FGGY: variants seen among roughly 807,000 people sequenced by gnomAD.
FGGY encodes the protein FGGY carbohydrate kinase domain containing.
In FGGY, 72 loss-of-function variants were observed where a neutral mutation model predicts 71.3. The observed-to-expected ratio is 1.01, with a 90% CI of 0.84 to 1.23. The LOEUF (loss-of-function observed/expected upper bound fraction) is 1.23. FGGY is among the 50% of genes most tolerant of loss of function. FGGY has a pLI of 0.00. For missense variants in FGGY, 668 were observed against 682.3 expected (o/e 0.98, Z 0.23); for synonymous variants, 251 against 250.3 (o/e 1.00, Z -0.02).
intron 8 of FGGY, among the ~76,000 whole-genome samples, chr1:59,570,482 G>T (rs1461012935): frequency 2.0e-5 from 3 of 152,154 alleles, no homozygotes; most frequent in Non-Finnish European, 4.4e-5. Context: ...ATATCTCTTG[G>T]TAGGTCTGGG....
chr1:59,363,603 C>A (rs1252657510), intron 4 of FGGY, among the ~76,000 whole-genome samples: 3 of 152,140 alleles, frequency 2.0e-5, no homozygotes, highest in Non-Finnish European at 4.4e-5. Flanking sequence ...GAAGAGGCAG[C>A]AGAATGTAGT....
intron 4 of FGGY, among the ~76,000 whole-genome samples, chr1:59,351,899 G>A (rs900316053): frequency 5.3e-5 from 8 of 151,452 alleles, no homozygotes; most frequent in African/African-American, 2.0e-4. Context: ...CAGAATTTGG[G>A]GTTTTATCTG....
At chr1:59,707,241 G>A (rs1417517202) in intron 14 of FGGY, among the ~76,000 whole-genome samples, 8 of 152,194 alleles carry the variant, frequency 5.3e-5, no homozygotes, top group African/African-American at 1.9e-4. Context: ...GCGAAACTGC[G>A]AGCTGGAGAG....
At chr1:59,755,365 A>G (rs1263608757) in intron 14 of FGGY, 1 of 152,142 alleles carries the variant, frequency 6.6e-6, no homozygotes, top group Non-Finnish European at 1.5e-5. Context: ...AATTATAACA[A>G]TTCCTGCTTT....
At chr1:59,480,606 A>C (rs2093433392) in intron 6 of FGGY, among the ~76,000 whole-genome samples, 1 of 152,194 alleles carries the variant, frequency 6.6e-6, no homozygotes, top group South Asian at 2.1e-4. Context: ...TTATTTAAAA[A>C]GAAGAGGAGG....
chr1:59,414,967 A>G (rs2064146728), intron 5 of FGGY, among the ~76,000 whole-genome samples: 1 of 152,216 alleles, frequency 6.6e-6, no homozygotes, highest in Non-Finnish European at 1.5e-5. Context: ...TGTCTGGGAC[A>G]TCTGGGCATT....
chr1:59,702,796 G>A (rs1006071340), intron 14 of FGGY, among the ~76,000 whole-genome samples: 2 of 152,150 alleles, frequency 1.3e-5, no homozygotes, highest in Non-Finnish European at 2.9e-5. Context: ...TACCTGCTGA[G>A]GAGGGAGAGG....
chr1:59,736,004 A>T (rs1366587973), intron 14 of FGGY, among the ~76,000 whole-genome samples: 1 of 152,124 alleles, frequency 6.6e-6, no homozygotes, highest in East Asian at 1.9e-4. Flanking sequence ...GTGGGAGGTA[A>T]CTGAATCATG....
At chr1:59,420,724 C>T (rs1000351061) in intron 5 of FGGY, among the ~76,000 whole-genome samples, 1 of 152,088 alleles carries the variant, frequency 6.6e-6, no homozygotes, top group Non-Finnish European at 1.5e-5. Flanking sequence ...TCTAATTCTT[C>T]TACCCTGAAA....
intron 14 of FGGY, among the ~76,000 whole-genome samples, chr1:59,742,219 C>G (rs1441979297): frequency 6.6e-6 from 1 of 152,202 alleles, no homozygotes; most frequent in African/African-American, 2.4e-5. Context: ...CTCACCACCA[C>G]CCCTGCCTCC....
At chr1:59,599,505 C>T (rs886734696) in intron 8 of FGGY, among the ~76,000 whole-genome samples, 1 of 151,608 alleles carries the variant, frequency 6.6e-6, no homozygotes, top group African/African-American at 2.4e-5. Context: ...GACCACCTGG[C>T]CAACACTGGT....
intron 6 of FGGY, among the ~76,000 whole-genome samples, chr1:59,461,801 T>C (rs895815671): frequency 4.2e-5 from 6 of 143,950 alleles, no homozygotes; most frequent in Non-Finnish European, 8.8e-5. Flanking sequence ...TTTTGTTTTT[T>C]ATTTTATTGT....
At chr1:59,586,528 G>C (rs1038681643) in intron 8 of FGGY, among the ~76,000 whole-genome samples, 45 of 151,998 alleles carry the variant, frequency 3.0e-4, no homozygotes, top group Non-Finnish European at 4.4e-4. Context: ...GAGTGGGGAG[G>C]GATAGCATTA....
intron 10 of FGGY, chr1:59,626,435 C>T (rs1342001964): frequency 2.4e-5 from 4 of 166,198 alleles, no homozygotes; most frequent in Non-Finnish European, 5.1e-5. Flanking sequence ...AAGATAATAA[C>T]TGATATGGAG....
intron 12 of FGGY, among the ~76,000 whole-genome samples, chr1:59,665,719 G>A (rs2097317387): frequency 6.6e-6 from 1 of 151,732 alleles, no homozygotes; most frequent in Non-Finnish European, 1.5e-5. Context: ...TATTGCCCAG[G>A]CTGGAGTGCA....
chr1:59,677,588 G>A (rs187476744), intron 14 of FGGY, among the ~76,000 whole-genome samples: 8 of 152,260 alleles, frequency 5.3e-5, no homozygotes, highest in East Asian at 3.9e-4. Context: ...ATTTTCAGCC[G>A]GGGGTAGAGT....
intron 5 of FGGY, among the ~76,000 whole-genome samples, chr1:59,418,930 C>A (rs1438615464): frequency 6.6e-6 from 1 of 152,040 alleles, no homozygotes; most frequent in Admixed American, 6.5e-5. Flanking sequence ...GGCTACAGGC[C>A]AGGGTTTCCT....
chr1:59,713,837 T>C (rs2097820937), intron 14 of FGGY, among the ~76,000 whole-genome samples: 2 of 152,230 alleles, frequency 1.3e-5, no homozygotes, highest in Non-Finnish European at 2.9e-5. Context: ...CCGCCCTGGA[T>C]ACAATTAGTA....
rs180944404 is a variant in FGGY, at chr1:59,602,935, G to A, written c.904-4868G>A. Among the ~76,000 whole-genome samples, 211 of 152,274 alleles carry A rather than the reference G, an allele frequency of 1.4e-3. 1 individual carries two copies. The highest frequency in any genetic ancestry group is 0.012 in the Admixed American group (185 of 15,298). ...CACTTCATTAGTAGTAGTAGTAATA[G>A]TAATAGTAATATTTTGCCTTATTGT... On this transcript the variant is annotated intron_variant, in intron 8 of 15. Coordinates refer to ENST00000303721, the MANE Select transcript of FGGY (RefSeq NM_018291.5).
Sources: gnomAD v4.1 joint callset for allele counts (sites outside exome capture counted in the v4.1 genomes callset) on GRCh38, gnomAD v4.1.1 for gene constraint, MANE v1.5 for transcripts, NCBI Gene and HGNC (gene_info 2026-07-23, HGNC 2026-07-21) for gene names.